NALF1: variants seen among roughly 807,000 people sequenced by gnomAD.
NALF1 encodes the protein NALCN channel auxiliary factor 1.
NALF1 carries 3 observed loss-of-function variants against 48.4 expected under a neutral mutation model. The observed-to-expected ratio is 0.06, with a 90% CI of 0.03 to 0.16. NALF1 has a LOEUF of 0.16. Ranked by LOEUF, NALF1 falls within the 10% of genes least tolerant of loss-of-function variation. The pLI, the probability that NALF1 is intolerant of heterozygous loss-of-function variation, is 1.00. For synonymous variants in NALF1, 262 were observed against 245.7 expected, an observed-to-expected ratio of 1.07 and a Z score of -0.62; for missense variants, 526 against 571.5, an observed-to-expected ratio of 0.92 and a Z score of 0.81.
intron 1 of NALF1, among the ~76,000 whole-genome samples, chr13:107,440,613 G>C (rs1566343497): frequency 6.6e-6 from 1 of 152,278 alleles, no homozygotes; most frequent in African/African-American, 2.4e-5. Flanking sequence ...CTAATGCGTG[G>C]AGGAGAGGTA....
At chr13:107,325,853 C>CATATATATATAT (rs1385871427) in intron 1 of NALF1, among the ~76,000 whole-genome samples, 16 of 49,976 alleles carry the variant, frequency 3.2e-4, no homozygotes, top group East Asian at 7.3e-4. Context: ...CACACACACA[C>CATATATATATAT]ACATATATAT....
intron 1 of NALF1, among the ~76,000 whole-genome samples, chr13:107,678,864 C>T (rs957546110): frequency 6.6e-5 from 10 of 152,220 alleles, no homozygotes; most frequent in Middle Eastern, 3.4e-3. Flanking sequence ...TGGTCTCTCC[C>T]GTAACACGTG....
At chr13:107,446,392 G>A (rs1027388301) in intron 1 of NALF1, among the ~76,000 whole-genome samples, 1 of 146,744 alleles carries the variant, frequency 6.8e-6, no homozygotes, top group Non-Finnish European at 1.5e-5. Flanking sequence ...TAGTAACAAT[G>A]CCATAATTAA....
intron 1 of NALF1, among the ~76,000 whole-genome samples, chr13:107,236,705 CTAT>C (rs1880353783): frequency 1.3e-5 from 2 of 151,456 alleles, no homozygotes; most frequent in African/African-American, 2.4e-5. Flanking sequence ...ATCTATCTAT[CTAT>C]CTATCTATCT....
chr13:107,563,199 T>C (rs1271681056), intron 1 of NALF1, among the ~76,000 whole-genome samples: 1 of 152,202 alleles, frequency 6.6e-6, no homozygotes, highest in African/African-American at 2.4e-5. Flanking sequence ...TCCAGCCTGC[T>C]GGGGAAAATG....
chr13:107,721,404 CAGGGAGGCAGAGTCAA>C (rs1875982413), intron 1 of NALF1, among the ~76,000 whole-genome samples: 4 of 152,118 alleles, frequency 2.6e-5, no homozygotes, highest in African/African-American at 9.7e-5. Flanking sequence ...ATAAGCTGTG[CAGGGAGGCAGAGTCAA>C]TACCTACAGA....
Position 107,783,416 on chromosome 13 carries a change from A to G in NALF1, c.915+82266T>C, listed in dbSNP as rs537079518. Among the ~76,000 whole-genome samples the G allele has an allele frequency of 2.9e-3, 435 of 152,288 alleles. 2 individuals carry two copies. The highest frequency in any genetic ancestry group is 6.8e-3 in the Middle Eastern group (2 of 294). ...GATGACAATGGTGGTTTTGTGGAAT[A>G]GAAAGCGGGGAAAGGCAGGGAAAGG... is the stretch of plus-strand genomic sequence containing the variant. On this transcript the variant is annotated intron_variant, in intron 1 of 2. Coordinates refer to ENST00000375915, the MANE Select transcript of NALF1 (RefSeq NM_001080396.3).
chr13:107,436,413 A>T (rs1281889765), intron 1 of NALF1, among the ~76,000 whole-genome samples: 1 of 152,206 alleles, frequency 6.6e-6, no homozygotes, highest in Non-Finnish European at 1.5e-5. Flanking sequence ...TTTGAAAACA[A>T]ATCTGTCATT....
At chr13:107,684,933 G>A (rs1162619480) in intron 1 of NALF1, among the ~76,000 whole-genome samples, 1 of 152,096 alleles carries the variant, frequency 6.6e-6, no homozygotes, top group East Asian at 1.9e-4. Context: ...ATTGCTAATT[G>A]GGGCTTCATT....
At chr13:107,848,309 G>A (rs1346083369) in intron 1 of NALF1, among the ~76,000 whole-genome samples, 2 of 152,126 alleles carry the variant, frequency 1.3e-5, no homozygotes, top group East Asian at 1.9e-4. Context: ...TTTAATATAC[G>A]CATGAAAATG....
At chr13:107,865,059 CAATA>C (rs1234100383) in intron 1 of NALF1, among the ~76,000 whole-genome samples, 1 of 152,146 alleles carries the variant, frequency 6.6e-6, no homozygotes, top group Non-Finnish European at 1.5e-5. Flanking sequence ...AGTCCCAGAT[CAATA>C]ATTATACAAA....
At chr13:107,835,537 A>G (rs1032964019) in intron 1 of NALF1, 1 of 152,160 alleles carries the variant, frequency 6.6e-6, no homozygotes. Context: ...TTGTCACTTG[A>G]GGCTTTTTTG....
At chr13:107,759,279 G>A (rs1451894033) in intron 1 of NALF1, among the ~76,000 whole-genome samples, 1 of 152,174 alleles carries the variant, frequency 6.6e-6, no homozygotes, top group Middle Eastern at 3.2e-3. Flanking sequence ...CATGATCTCA[G>A]CTCACTGGAT....
chr13:107,187,102 G>A (rs189933739), intron 2 of NALF1, among the ~76,000 whole-genome samples: 20 of 152,154 alleles, frequency 1.3e-4, no homozygotes, highest in African/African-American at 4.3e-4. Flanking sequence ...CTTCTGTCTC[G>A]TCTCTTTGAC....
At chr13:107,795,308 G>A (rs1303371150) in intron 1 of NALF1, among the ~76,000 whole-genome samples, 2 of 152,032 alleles carry the variant, frequency 1.3e-5, no homozygotes, top group African/African-American at 4.8e-5. Flanking sequence ...AAGAAAGAGG[G>A]GGGAAAGCCA....
intron 1 of NALF1, among the ~76,000 whole-genome samples, chr13:107,456,880 A>T (rs907182568): frequency 3.3e-5 from 5 of 152,164 alleles, no homozygotes; most frequent in Admixed American, 3.3e-4. Flanking sequence ...TGTAAAAAAG[A>T]GGGATTAGAC....
chr13:107,774,654 C>T (rs1877673276), intron 1 of NALF1, among the ~76,000 whole-genome samples: 1 of 152,172 alleles, frequency 6.6e-6, no homozygotes, highest in South Asian at 2.1e-4. Flanking sequence ...ATGTGCAAGG[C>T]TTCCTATTAT....
intron 1 of NALF1, among the ~76,000 whole-genome samples, chr13:107,774,623 T>C (rs920527635): frequency 6.6e-6 from 1 of 152,234 alleles, no homozygotes; most frequent in Admixed American, 6.5e-5. Context: ...TTCCATAATT[T>C]ATCCAGCAGC....
intron 1 of NALF1, among the ~76,000 whole-genome samples, chr13:107,486,373 G>T (rs1254477180): frequency 1.3e-5 from 2 of 152,124 alleles, no homozygotes; most frequent in Non-Finnish European, 2.9e-5. Flanking sequence ...GGAATTCTTA[G>T]GGGAAAGATC....
Sources: allele counts gnomAD v4.1 joint callset (sites outside exome capture counted in the v4.1 genomes callset), GRCh38; gene constraint gnomAD v4.1.1; transcripts MANE v1.5; gene names NCBI Gene and HGNC (gene_info 2026-07-23, HGNC 2026-07-21).